The following ULK1 variants were observed in gnomAD, a reference collection of about 807,000 sequenced individuals.
The protein encoded by ULK1 is unc-51 like autophagy activating kinase 1.
ULK1 carries 48 observed loss-of-function variants against 117.5 expected under a neutral mutation model. The observed-to-expected ratio is 0.41, with a 90% CI of 0.32 to 0.52. The LOEUF (loss-of-function observed/expected upper bound fraction) is 0.52. Among genes scored for constraint, ULK1 ranks in the 20% least tolerant of loss-of-function variants. ULK1 has a pLI of 0.29. For missense variants in ULK1, 1,387 were observed against 1,473.4 expected (o/e 0.94, Z 0.96); for synonymous variants, 790 against 637.8 (o/e 1.24, Z -3.60).
At position 131,907,946 on chromosome 12, in the gene ULK1, G is replaced by A. The variant is rs533604728; in HGVS notation, c.316+415G>A. 1.7e-4 allele frequency among the ~76,000 whole-genome samples: 25 copies of A among 146,090 alleles called. No individual in the cohort carries two copies. The South Asian group carries it at 5.0e-3, about 29-fold the overall frequency. On this transcript the variant is annotated intron_variant, in intron 5 of 27. Transcript: ENST00000321867. ...GGACAGCAGGGGGGCGGCCGCGCCC[G>A]TCTGTTCCCAGGCTCTCTGGGTGGG... is the stretch of plus-strand genomic sequence containing the variant.
Position 131,922,435 on chromosome 12 carries a change from C to A in ULK1, c.*1074C>A. 6 of 189,866 alleles carry A rather than the reference C, an allele frequency of 3.2e-5. No homozygotes were observed. The highest frequency in any genetic ancestry group is 1.1e-4 in the Admixed American group (2 of 17,652). The allele number at this position is 189,866 out of a possible 1,614,324, so 11.8% of individuals were successfully genotyped here. A position where few individuals can be genotyped will look rare whatever the true frequency, so the allele number is the denominator to read the frequency against. On this transcript the variant is annotated 3_prime_UTR_variant, in exon 28 of 28. Transcript: ENST00000321867. ...AAGAAAAAAGTAACATGTGCAAAAG[C>A]TCCCCGTCCAGCTTTGACAGTCAGT... is the stretch of plus-strand genomic sequence containing the variant.
rs746934452 is a variant in ULK1, at chr12:131,921,366, T to C, written c.*5T>C. 25 of 1,602,878 alleles carry C rather than the reference T, an allele frequency of 1.6e-5. No homozygotes were observed. The highest frequency in any genetic ancestry group is 2.0e-5 in the Non-Finnish European group (24 of 1,179,908). The stretch of plus-strand genomic sequence containing the variant: ...CTGACTGGCATCTGTGCCTGACCTT[T>C]CTGGCCTGGCTGGGCCCCCCGTCCT... On this transcript the variant is annotated 3_prime_UTR_variant, in exon 28 of 28. Coordinates refer to ENST00000321867, the MANE Select transcript of ULK1 (RefSeq NM_003565.4).
chr12:131,906,768 C>A, intron 3 of ULK1, 124 bp from the exon 4 acceptor site: 2 of 1,249,392 alleles, frequency 1.6e-6, no homozygotes, highest in African/African-American at 1.5e-5. Flanking sequence ...CTCCCGGCCG[C>A]TGGCTGACCA....
chr12:131,908,132 G>A (rs969302176), intron 5 of ULK1, among the ~76,000 whole-genome samples: 2 of 152,116 alleles, frequency 1.3e-5, no homozygotes, highest in Admixed American at 1.3e-4. Context: ...TCAGACCCGC[G>A]TCGCCCTCAT....
chr12:131,919,812 AC>A, intron 25 of ULK1, 166 bp from the exon 26 acceptor site: 1 of 1,136,250 alleles, frequency 8.8e-7, no homozygotes, highest in East Asian at 2.6e-5. Context: ...GTCGGATGGC[AC>A]CCGGGACAAG....
In ULK1 at chr12:131,896,643, TG is replaced by T. The variant is rs71453131; in HGVS notation, c.246+827del. On this transcript the variant is annotated intron_variant, in intron 3 of 27. Transcript: ENST00000321867. ...CCGAGGCTTGTCACAAGGTGCCGGG[TG>T]GGGGGGGCCCAGGTCCAGCGAGTAC... The T allele has an allele frequency of 1.6e-3, 239 of 151,742 alleles. 4 individuals are homozygous for T. In the South Asian group the frequency reaches 0.025, roughly 16 times the overall value. 9.4% of individuals were successfully genotyped at this position (151,742 alleles called of 1,614,324 possible).
intron 3 of ULK1, chr12:131,906,549 G>A (rs1026017958): frequency 3.1e-6 from 1 of 321,064 alleles, no homozygotes; most frequent in African/African-American, 2.2e-5. Context: ...CCTGGGCTGA[G>A]GAGCTGAGAA....
chr12:131,900,126 A>C (rs1889028757), intron 3 of ULK1, among the ~76,000 whole-genome samples: 1 of 151,706 alleles, frequency 6.6e-6, no homozygotes, highest in South Asian at 2.1e-4. Context: ...AAAAAAAAAA[A>C]AAAAAAAAAA....
At position 131,921,607 on chromosome 12, in the gene ULK1, C is replaced by T. The variant is rs1890154024; in HGVS notation, c.*246C>T. ...GGTGGGGATCACAGAATTTCTGCCC[C>T]TCCAGCTGCCTGGCTCAGCAGGCGT... is the stretch of plus-strand genomic sequence containing the variant. On this transcript the variant is annotated 3_prime_UTR_variant, in exon 28 of 28. Coordinates refer to ENST00000321867, the MANE Select transcript of ULK1 (RefSeq NM_003565.4). 2 of 640,830 alleles carry T rather than the reference C, an allele frequency of 3.1e-6. No individual in the cohort carries two copies. The highest frequency in any genetic ancestry group is 5.4e-6 in the Non-Finnish European group (2 of 371,006). The allele number at this position is 640,830 out of a possible 1,614,324, so 39.7% of individuals were successfully genotyped here.
chr12:131,895,119 C>A lies in ULK1; in HGVS notation c.111+7C>A. On this transcript the variant is annotated splice_region_variant and intron_variant, in intron 1 of 27. Transcript: ENST00000321867. ...CAAGGGCCGCCACCGCGAGGTGAGG[C>A]CCCCGTCCGGCCCGGGATCCCCCGC... The A allele has an allele frequency of 6.5e-7, 1 of 1,528,174 alleles. No individual in the cohort carries two copies. The highest frequency in any genetic ancestry group is 8.7e-7 in the Non-Finnish European group (1 of 1,145,116). The allele number at this position is 1,528,174 out of a possible 1,614,324, so 94.7% of individuals were successfully genotyped here.
chr12:131,919,064 T>A (rs1409444391), intron 23 of ULK1, 148 bp from the exon 24 acceptor site: 5 of 795,510 alleles, frequency 6.3e-6, no homozygotes, highest in Non-Finnish European at 9.6e-6. Flanking sequence ...GTGTGGGGTG[T>A]CGGGCGTGGC....
Position 131,907,509 on chromosome 12 carries a change from G to C in ULK1, c.294G>C (p.Gly98=). 6.2e-7 allele frequency: 1 copy of C among 1,612,556 alleles called. No individual in the cohort carries two copies. The highest frequency in any genetic ancestry group is 1.3e-5 in the African/African-American group (1 of 75,038). Residue 98 remains glycine, a synonymous_variant, in exon 5 of 28, where the codon GGG becomes GGC. Transcript: ENST00000321867. ...VYLVMEYCNG[G]DLADYLHAMR... ...GTCTCTTGCAGTACTGCAACGGTGG[G>C]GACCTGGCCGACTACCTGCACGGTG...
In ULK1 at chr12:131,916,559, G is replaced by A; in HGVS notation, c.2040G>A (p.Arg680=). The change falls in exon 20 of 28, where the codon CGG becomes CGA. Residue 680 remains arginine (R), a synonymous_variant. Transcript: ENST00000321867. ...GTCAGCCGTTGGGCCCTGGCCTGCG[G>A]CCAGGCGAGGACCCCAAGGGCCCCT... is the stretch of plus-strand genomic sequence containing the variant. The part of the protein sequence containing the change: ...FHGQPLGPGL[R]PGEDPKGPFG... 1.2e-6 allele frequency: 2 copies of A among 1,600,984 alleles called. No individual in the cohort carries two copies. Among genetic ancestry groups the A allele is most frequent in the African/African-American group, 1.3e-5 (1 of 74,316 alleles).
At position 131,919,544 on chromosome 12, in the gene ULK1, C is replaced by A; in HGVS notation, c.2757C>A (p.Asp919Glu). 1 of 1,612,260 alleles carries A rather than the reference C, an allele frequency of 6.2e-7. No homozygotes were observed. The highest frequency in any genetic ancestry group is 8.5e-7 in the Non-Finnish European group (1 of 1,179,638). ...LLSSGLQSAI[D>E]QIRAGKLCLS... ...CCTCCGGCCTGCAAAGTGCCATCGA[C>A]CAGATCCGGGCCGGCAAGCTCTGCC... is the stretch of plus-strand genomic sequence containing the variant. Residue 919 changes from aspartate to glutamate, a missense_variant, in exon 25 of 28, where the codon GAC (aspartate) becomes GAA (glutamate). Around this residue, in one of 4 missense-constraint regions of ULK1, gnomAD observed 900 missense variants for 858.9 expected, o/e 1.05. Transcript: ENST00000321867.
Position 131,916,486 on chromosome 12 carries a change from C to T in ULK1, c.1967C>T (p.Pro656Leu). Residue 656 changes from proline to leucine, a missense_variant, in exon 20 of 28, where the codon CCT (proline) becomes CTT (leucine). By Grantham distance (98) the Pro-to-Leu change is moderately conservative. Transcript: ENST00000321867. ...LARQGVVMTP[P>L]RNRTLPDLSE... is the part of the protein sequence containing the mutation. ...CGGCAGGGCGTGGTGATGACGCCCC[C>T]TCGAAACCGGACGCTGCCCGACCTC... 1 of 1,612,330 alleles carries T rather than the reference C, an allele frequency of 6.2e-7. No homozygotes were observed. Among genetic ancestry groups the T allele is most frequent in the Non-Finnish European group, 8.5e-7 (1 of 1,179,750 alleles).
rs1424374833 is a variant in ULK1, at chr12:131,920,030, G to A, written c.2855G>A (p.Gly952Asp). The A allele has an allele frequency of 1.9e-6, 3 of 1,612,850 alleles. No individual in the cohort carries two copies. The highest frequency in any genetic ancestry group is 1.7e-6 in the Non-Finnish European group (2 of 1,179,970). ...AAGGCCAGCGTGGTGTCCTGCCAGG[G>A]CCTGAGCCTGCGGCTGCAGCGCTTC... ...LYKASVVSCQ[G>D]LSLRLQRFFL... is the part of the protein sequence containing the mutation. Residue 952 changes from glycine to aspartate, a missense_variant, in exon 26 of 28, where the codon GGC becomes GAC. Around this residue, in one of 4 missense-constraint regions of ULK1, gnomAD observed 900 missense variants for 858.9 expected, o/e 1.05. Transcript: ENST00000321867.
intron 12 of ULK1, among the ~76,000 whole-genome samples, chr12:131,911,497 G>A (rs1889533246): frequency 6.6e-6 from 1 of 152,220 alleles, no homozygotes; most frequent in African/African-American, 2.4e-5. Context: ...CGCACGGATG[G>A]TGTGCCCTGG....
chr12:131,919,915 A>G (rs1410753860), intron 25 of ULK1, 64 bp from the exon 26 acceptor site: 12 of 1,577,788 alleles, frequency 7.6e-6, no homozygotes, highest in South Asian at 1.1e-5. Context: ...CGGGCAGATC[A>G]TGGCCACTCC....
At chr12:131,911,684 G>A (rs974275697) in intron 12 of ULK1, among the ~76,000 whole-genome samples, 1 of 152,184 alleles carries the variant, frequency 6.6e-6, no homozygotes, top group Admixed American at 6.5e-5. Context: ...GGAGCTGAGG[G>A]CTTCAACCCA....
Sources: gnomAD v4.1 joint callset for allele counts (sites outside exome capture counted in the v4.1 genomes callset) on GRCh38, gnomAD v4.1.1 for gene constraint, gnomAD v4.1.1 regional missense constraint, MANE v1.5 for transcripts, NCBI Gene and HGNC (gene_info 2026-07-23, HGNC 2026-07-21) for gene names.